Variants in POLR2F observed in about 807,000 individuals in gnomAD.
POLR2F encodes the protein DNA-directed RNA polymerases I, II, and III subunit RPABC2.
A neutral mutation model predicts 22.7 loss-of-function variants in POLR2F; 12 were observed. The ratio of observed to expected loss-of-function variants is 0.53; its 90% CI spans 0.34 to 0.86. The LOEUF (loss-of-function observed/expected upper bound fraction) is 0.86. POLR2F is among the 40% of genes least tolerant of loss of function. The pLI, the probability that POLR2F is intolerant of heterozygous loss-of-function variation, is 0.02. For missense variants in POLR2F, 126 were observed against 171.5 expected, an observed-to-expected ratio of 0.73 and a Z score of 1.48; for synonymous variants, 57 against 66.0, an observed-to-expected ratio of 0.86 and a Z score of 0.66.
chr22:38,037,437 C>CTTTTTTT (rs1445599668), intron 5 of POLR2F, among the ~76,000 whole-genome samples: 1 of 96,152 alleles, frequency 1.0e-5, no homozygotes, highest in African/African-American at 5.7e-5. Flanking sequence ...CCATGCTCGG[C>CTTTTTTT]TATTTTTTTT....
chr22:38,026,534 C>CA, exon 3 of POLR2F: 5 of 339,420 alleles, frequency 1.5e-5, no homozygotes, highest in Admixed American at 3.9e-5. Flanking sequence ...GCGGGATGGC[C>CA]CCTCTTTCCC....
In POLR2F at chr22:37,955,266, C is replaced by CTGTG. The variant is rs1387060784; in HGVS notation, c.20+1460_20+1463dup. ...GTTGAAATGCTGATGGGGCCGGGTG[C>CTGTG]TGTGGCTTACACCTCTAATCCCAGC... On this transcript the variant is annotated intron_variant, in intron 1 of 4. Coordinates refer to ENST00000442738, the MANE Select transcript of POLR2F (RefSeq NM_021974.5). Among the ~76,000 whole-genome samples the CTGTG allele has an allele frequency of 2.1e-5, 3 of 142,662 alleles. No individual in the cohort carries two copies. In the East Asian group the frequency reaches 6.2e-4, roughly 29 times the overall value. The allele number at this position is 142,662 out of a possible 152,430, so 93.6% of individuals were successfully genotyped here. A position where few individuals can be genotyped will look rare whatever the true frequency, so the allele number is the denominator to read the frequency against.
downstream of POLR2F, chr22:37,973,278 C>G (rs1932113423): frequency 1.9e-6 from 1 of 527,934 alleles, no homozygotes; most frequent in Admixed American, 3.3e-5. Context: ...TCCTTCTCCT[C>G]TGTCCAGCCT....
In POLR2F at chr22:38,020,738, T is replaced by TA. The variant is rs368145115; in HGVS notation, c.121-5121dup. On this transcript the variant is annotated intron_variant, in intron 1 of 2. Coordinates refer to the POLR2F transcript ENST00000333418. ...GCCTGGGCAATAGAGTGAGACTGTC[T>TA]AAAAAAAAAACACCAAAACACAAAG... Among the ~76,000 whole-genome samples the TA allele has an allele frequency of 1.2e-3, 180 of 147,060 alleles. 1 individual carries two copies. The highest frequency in any genetic ancestry group is 4.4e-3 in the East Asian group (22 of 5,044).
exon 6 of POLR2F, chr22:38,041,105 C>T: frequency 6.2e-7 from 1 of 1,612,888 alleles, no homozygotes; most frequent in East Asian, 2.2e-5. Context: ...CGCCTGAAGC[C>T]CCGTGAACAA....
Position 37,978,039 on chromosome 22 carries a change from G to A in POLR2F, c.293+10869G>A, listed in dbSNP as rs764460100. The A allele has an allele frequency of 1.2e-6, 2 of 1,611,214 alleles. No homozygotes were observed. The highest frequency in any genetic ancestry group is 4.5e-5 in the East Asian group (2 of 44,832). On this transcript the variant is annotated intron_variant, in intron 4 of 4. Transcript: ENST00000405557. The surrounding 1 kb of genome is among the most constrained non-coding windows in gnomAD (Gnocchi z 5.0). ...CGGCCTTCCCGTTCTTCCGCCGCCT[G>A]GGCTGGTACTTGTAGTCCGGGTGGT...
downstream of POLR2F, among the ~76,000 whole-genome samples, chr22:38,028,525 T>C (rs1569184383): frequency 6.6e-6 from 1 of 151,860 alleles, no homozygotes; most frequent in Admixed American, 6.6e-5. Flanking sequence ...TGTGTGTGCA[T>C]GTGTGTGTGC....
At chr22:38,001,863 T>C (rs2084773474) in intron 1 of POLR2F, among the ~76,000 whole-genome samples, 1 of 151,896 alleles carries the variant, frequency 6.6e-6, no homozygotes, top group African/African-American at 2.4e-5. Flanking sequence ...AGTCTCACTC[T>C]GGTGCCCAGA....
At chr22:38,014,894 G>A (rs993342422) in intron 1 of POLR2F, among the ~76,000 whole-genome samples, 2 of 146,462 alleles carry the variant, frequency 1.4e-5, no homozygotes, top group Non-Finnish European at 3.0e-5. Flanking sequence ...TGCAAGCTCT[G>A]CCTCCTGGGT....
At chr22:37,992,135 T>C (rs933551222) in intron 1 of POLR2F, among the ~76,000 whole-genome samples, 1 of 152,202 alleles carries the variant, frequency 6.6e-6, no homozygotes. Context: ...CATGCCTGGC[T>C]CTAGCTCCAG....
chr22:38,032,956 C>T (rs1213102921), intron 5 of POLR2F: 1 of 166,784 alleles, frequency 6.0e-6, no homozygotes, highest in Non-Finnish European at 1.5e-5. Flanking sequence ...ATTCATGTCC[C>T]CCACACGGAG....
At chr22:37,962,013 T>G (rs990903331) in intron 3 of POLR2F, among the ~76,000 whole-genome samples, 1 of 152,048 alleles carries the variant, frequency 6.6e-6, no homozygotes, top group South Asian at 2.1e-4. Flanking sequence ...GGTGGATTGC[T>G]TGAGCCCAGA....
intron 2 of POLR2F, among the ~76,000 whole-genome samples, 170 bp from the exon 3 acceptor site, chr22:37,959,176 G>A (rs1931522494): frequency 6.6e-6 from 1 of 152,184 alleles, no homozygotes; most frequent in Non-Finnish European, 1.5e-5. Context: ...TGCCTCATAA[G>A]GTTATTGTAA....
intron 5 of POLR2F, among the ~76,000 whole-genome samples, chr22:38,040,073 G>A (rs2085156225): frequency 6.6e-6 from 1 of 151,698 alleles, no homozygotes; most frequent in South Asian, 2.1e-4. Flanking sequence ...CAAGGAGTTG[G>A]AGACCAGCTT....
rs2084729566 is a variant in POLR2F at position 37,997,814 on chromosome 22, CCACAGCT to C, written c.120+11506_120+11512del. 6.6e-6 allele frequency among the ~76,000 whole-genome samples: 1 copy of C among 152,180 alleles called. No individual in the cohort carries two copies. Among genetic ancestry groups the C allele is most frequent in the African/African-American group, 2.4e-5 (1 of 41,436 alleles). On this transcript the variant is annotated intron_variant, in intron 1 of 2. Transcript: ENST00000333418. The surrounding 1 kb of genome is among the most constrained non-coding windows in gnomAD (Gnocchi z 4.4). The stretch of plus-strand genomic sequence containing the variant: ...CCCAGGGACCTCACCTCCTGTGAGC[CCACAGCT>C]CACCGTCTGTCGAGGGGGGACAGGC...
intron 1 of POLR2F, among the ~76,000 whole-genome samples, chr22:37,994,749 ACCCGCCTTGG>A (rs2145792287): frequency 6.6e-6 from 1 of 152,148 alleles, no homozygotes; most frequent in African/African-American, 2.4e-5. Context: ...CTGGTGATCC[ACCCGCCTTGG>A]CCTCCCAAGG....
intron 3 of POLR2F, among the ~76,000 whole-genome samples, chr22:37,959,748 G>A (rs183125812): frequency 4.0e-5 from 6 of 149,098 alleles, no homozygotes; most frequent in East Asian, 2.0e-4. Flanking sequence ...AGATGGTTGC[G>A]TGTCAGATTA....
downstream of POLR2F, chr22:37,973,477 G>T: frequency 6.6e-7 from 1 of 1,506,314 alleles, no homozygotes; most frequent in Non-Finnish European, 9.0e-7. Flanking sequence ...GCGGGGGGTG[G>T]TGGCGACAGG....
chr22:37,956,197 C>G (rs954899088), intron 1 of POLR2F, among the ~76,000 whole-genome samples: 10 of 151,914 alleles, frequency 6.6e-5, no homozygotes, highest in Non-Finnish European at 1.2e-4. Flanking sequence ...TCAAGTGATT[C>G]TCCTGCCTCA....
Sources: allele counts gnomAD v4.1 joint callset (sites outside exome capture counted in the v4.1 genomes callset), GRCh38; gene constraint gnomAD v4.1.1; non-coding constraint Gnocchi (gnomAD v3.1); transcripts MANE v1.5; gene names NCBI Gene and HGNC (gene_info 2026-07-23, HGNC 2026-07-21).